Variants in SRC observed in about 807,000 individuals in gnomAD.
SRC encodes proto-oncogene tyrosine-protein kinase Src.
Under a neutral mutation model 62.9 loss-of-function variants are expected in SRC, and 13 were observed. That is an observed-to-expected ratio of 0.21 (90% CI 0.13 to 0.33). SRC has a LOEUF of 0.33. Among genes scored for constraint, SRC ranks in the 10% least tolerant of loss-of-function variants. SRC has a pLI of 1.00. For synonymous variants in SRC, 302 were observed against 317.5 expected, an observed-to-expected ratio of 0.95 and a Z score of 0.52; for missense variants, 457 against 737.3, an observed-to-expected ratio of 0.62 and a Z score of 4.40.
Position 37,403,517 on chromosome 20 carries a change from C to T in SRC, c.*138C>T, listed in dbSNP as rs2070776427. On this transcript the variant is annotated 3_prime_UTR_variant, in exon 14 of 14. Transcript: ENST00000373578. This position sits in a 1 kb window ranked among gnomAD's most constrained non-coding sequence, Gnocchi z 7.1. ...AATTGCCAGGGGCGAGGCCCTTCCT[C>T]TTTGGTGGCATGGAAGGGGCTTCTG... is the stretch of plus-strand genomic sequence containing the variant. 1.6e-5 allele frequency: 16 copies of T among 1,027,888 alleles called. No individual in the cohort carries two copies. Among genetic ancestry groups the T allele is most frequent in the Non-Finnish European group, 2.2e-5 (16 of 724,412 alleles). The allele number at this position is 1,027,888 out of a possible 1,614,324, so 63.7% of individuals were successfully genotyped here. A position where few individuals can be genotyped will look rare whatever the true frequency, so the allele number is the denominator to read the frequency against.
chr20:37,350,966 G>A (rs575021376), intron 1 of SRC, among the ~76,000 whole-genome samples: 1 of 152,330 alleles, frequency 6.6e-6, no homozygotes, highest in Non-Finnish European at 1.5e-5. Context: ...AGGCTAGAAA[G>A]ACCCAGGGCA....
chr20:37,348,804 G>T (rs1165298925), intron 1 of SRC, among the ~76,000 whole-genome samples: 1 of 152,196 alleles, frequency 6.6e-6, no homozygotes, highest in Non-Finnish European at 1.5e-5. Flanking sequence ...AGGGAGAGAG[G>T]CCTAGGGTAC....
chr20:37,394,403 T>A (rs567847126), intron 7 of SRC, 126 bp downstream of exon 7: 1 of 768,260 alleles, frequency 1.3e-6, no homozygotes, highest in African/African-American at 1.7e-5. Flanking sequence ...GTGGAGGTAA[T>A]GGCAGGATCA....
chr20:37,386,560 C>T (rs142510970), intron 5 of SRC: 47 of 699,854 alleles, frequency 6.7e-5, no homozygotes, highest in Non-Finnish European at 1.0e-4. Context: ...GCTTCCACTC[C>T]CTGCCTGTGA....
Position 37,402,221 on chromosome 20 carries a change from C to T in SRC, c.1117-214C>T. 3 of 541,412 alleles carry T rather than the reference C, an allele frequency of 5.5e-6. No individual in the cohort carries two copies. The highest frequency in any genetic ancestry group is 9.6e-6 in the Non-Finnish European group (3 of 312,864). 33.5% of individuals were successfully genotyped at this position (541,412 alleles called of 1,614,324 possible). On this transcript the variant is annotated intron_variant, in intron 11 of 13. Coordinates refer to ENST00000373578, the MANE Select transcript of SRC (RefSeq NM_198291.3). The surrounding 1 kb of genome is among the most constrained non-coding windows in gnomAD (Gnocchi z 6.2). ...GTGCCTCCCCTTTGACCTTTGCCTT[C>T]TGCCCTCTGCTCTGTGCCCTGTGCT...
intron 2 of SRC, among the ~76,000 whole-genome samples, chr20:37,379,390 AG>A (rs1486270203): frequency 1.3e-5 from 2 of 152,206 alleles, no homozygotes; most frequent in South Asian, 2.1e-4. Context: ...CCCCAGAACC[AG>A]GAAGTGCAAG....
chr20:37,368,366 T>G (rs917118194), intron 2 of SRC, among the ~76,000 whole-genome samples: 2 of 151,860 alleles, frequency 1.3e-5, no homozygotes, highest in Admixed American at 6.5e-5. Flanking sequence ...TGCAGTGAGC[T>G]GAGATCGCAC....
intron 1 of SRC, among the ~76,000 whole-genome samples, chr20:37,354,557 C>T (rs1021810858): frequency 1.3e-5 from 2 of 152,210 alleles, no homozygotes; most frequent in Non-Finnish European, 2.9e-5. Context: ...AGTGTGTCTC[C>T]TCAGTCTCTT....
At position 37,403,235 on chromosome 20, in the gene SRC, G is replaced by A. The variant is rs117899436; in HGVS notation, c.1467G>A (p.Glu489=). The change falls in exon 14 of 14, where the codon GAG becomes GAA. Residue 489 remains glutamate (E), a synonymous_variant. Coordinates refer to ENST00000373578, the MANE Select transcript of SRC (RefSeq NM_198291.3). This position sits in a 1 kb window ranked among gnomAD's most constrained non-coding sequence, Gnocchi z 7.1. ...GCTACCGGATGCCCTGCCCGCCGGAGTGTCCCGAGTCCCTGCACGACCTCA... is the reference window on the plus strand; with the variant it reads ...GCTACCGGATGCCCTGCCCGCCGGAATGTCCCGAGTCCCTGCACGACCTCA... ...ERGYRMPCPP[E]CPESLHDLMC... 2.2e-4 allele frequency: 351 copies of A among 1,582,372 alleles called. 5 individuals are homozygous for A. The East Asian group carries it at 4.4e-3, about 20-fold the overall frequency.
In SRC at chr20:37,351,986, A is replaced by G. The variant is rs2069809319; in HGVS notation, c.-247+5731A>G. On this transcript the variant is annotated intron_variant, in intron 1 of 13. Transcript: ENST00000373578. This position sits in a 1 kb window ranked among gnomAD's most constrained non-coding sequence, Gnocchi z 4.4. Reference sequence around the variant, plus strand: ...TCTGGGTTCCAGCTCTGGCTGATGGATTCCCCAGTCGGACGTGGAGTACTG... The same window carrying G: ...TCTGGGTTCCAGCTCTGGCTGATGGGTTCCCCAGTCGGACGTGGAGTACTG... 1.3e-5 allele frequency among the ~76,000 whole-genome samples: 2 copies of G among 152,346 alleles called. No homozygotes were observed. The highest frequency in any genetic ancestry group is 4.1e-4 in the South Asian group (2 of 4,834).
rs921758191 is a variant in SRC at position 37,393,499 on chromosome 20, CT to C, written c.351-394del. 2.6e-5 allele frequency among the ~76,000 whole-genome samples: 4 copies of C among 152,354 alleles called. No homozygotes were observed. In the East Asian group the frequency reaches 5.8e-4, roughly 22 times the overall value. ...AGGAATCTCTTCTATTACAACCTTA[CT>C]TGCCCGCAGAGACAGGGGGTTCCCT... On this transcript the variant is annotated intron_variant, in intron 5 of 13. Coordinates refer to ENST00000373578, the MANE Select transcript of SRC (RefSeq NM_198291.3).
At chr20:37,352,949 G>A (rs186366953) in intron 1 of SRC, among the ~76,000 whole-genome samples, 1 of 152,280 alleles carries the variant, frequency 6.6e-6, no homozygotes, top group East Asian at 1.9e-4. Context: ...CCATGAGTCC[G>A]TACTGACCCC....
intron 9 of SRC, among the ~76,000 whole-genome samples, chr20:37,399,368 A>G (rs1182452925): frequency 6.6e-6 from 1 of 152,116 alleles, no homozygotes; most frequent in Non-Finnish European, 1.5e-5. Flanking sequence ...CAACAGCCTT[A>G]GAAATCCCTG....
At chr20:37,365,063 T>C (rs1409431590) in intron 1 of SRC, 141 bp from the exon 2 acceptor site, 1 of 152,210 alleles carries the variant, frequency 6.6e-6, no homozygotes, top group Non-Finnish European at 1.5e-5. Context: ...GTGTCCATAG[T>C]AACAGATGAA....
intron 9 of SRC, among the ~76,000 whole-genome samples, chr20:37,399,070 T>C (rs527270939): frequency 2.2e-4 from 34 of 152,244 alleles, no homozygotes; most frequent in African/African-American, 7.9e-4. Flanking sequence ...AAGCAGATAG[T>C]AGTGAAATGA....
chr20:37,379,942 TAAAAAAAA>T (rs57772720), intron 2 of SRC, among the ~76,000 whole-genome samples: 14 of 51,460 alleles, frequency 2.7e-4, no homozygotes, highest in African/African-American at 6.0e-4. Flanking sequence ...GAGCTTGGAG[TAAAAAAAA>T]AAAAAAAAAA....
intron 2 of SRC, among the ~76,000 whole-genome samples, chr20:37,380,867 T>C (rs572489477): frequency 6.6e-6 from 1 of 151,956 alleles, no homozygotes; most frequent in South Asian, 2.1e-4. Context: ...TTTCTTTTCT[T>C]TTTTTTTAAT....
intron 3 of SRC, among the ~76,000 whole-genome samples, 193 bp from the exon 4 acceptor site, chr20:37,383,955 CAA>C (rs1277320544): frequency 6.6e-6 from 1 of 151,574 alleles, no homozygotes; most frequent in Non-Finnish European, 1.5e-5. Flanking sequence ...CGGCAGGTCT[CAA>C]ACTCCTGATC....
intron 1 of SRC, among the ~76,000 whole-genome samples, chr20:37,348,317 G>T (rs938545695): frequency 2.0e-5 from 3 of 152,020 alleles, no homozygotes; most frequent in African/African-American, 7.2e-5. Flanking sequence ...GGGATGTCTG[G>T]CTCCCCCAAG....
Sources: allele counts gnomAD v4.1 joint callset (sites outside exome capture counted in the v4.1 genomes callset), GRCh38; gene constraint gnomAD v4.1.1; non-coding constraint Gnocchi (gnomAD v3.1); transcripts MANE v1.5; gene names NCBI Gene and HGNC (gene_info 2026-07-23, HGNC 2026-07-21).